ESRRG: variants seen among roughly 807,000 people sequenced by gnomAD.
The protein encoded by ESRRG is estrogen-related receptor gamma.
ESRRG carries 13 observed loss-of-function variants against 44.0 expected under a neutral mutation model. The observed-to-expected ratio is 0.30, with a 90% CI of 0.19 to 0.47. The LOEUF is 0.47. Ranked by LOEUF, ESRRG falls within the 20% of genes least tolerant of loss-of-function variation. The pLI, the probability that ESRRG is intolerant of heterozygous loss-of-function variation, is 1.00. For missense variants in ESRRG, 395 were observed against 580.6 expected (o/e 0.68, Z 3.29); for synonymous variants, 215 against 214.6 (o/e 1.00, Z -0.02).
intron 1 of ESRRG, among the ~76,000 whole-genome samples, chr1:216,990,244 C>T (rs1399974526): frequency 2.6e-5 from 4 of 151,992 alleles, no homozygotes; most frequent in African/African-American, 4.8e-5. Flanking sequence ...GTAACCCAAC[C>T]CTAAAAAATG....
At chr1:217,004,620 C>T (rs2077482796) in intron 1 of ESRRG, among the ~76,000 whole-genome samples, 1 of 152,158 alleles carries the variant, frequency 6.6e-6, no homozygotes. Flanking sequence ...CAGTACCCAA[C>T]CCAAGGTTCC....
At chr1:217,062,901 A>G (rs780744410) in intron 1 of ESRRG, among the ~76,000 whole-genome samples, 10 of 152,190 alleles carry the variant, frequency 6.6e-5, no homozygotes, top group African/African-American at 1.2e-4. Context: ...GGCTACAGAG[A>G]GCAGGAAGAA....
At chr1:216,881,636 CCAA>C (rs1273716044) in intron 2 of ESRRG, among the ~76,000 whole-genome samples, 1 of 151,892 alleles carries the variant, frequency 6.6e-6, no homozygotes, top group African/African-American at 2.4e-5. Context: ...CCCAGCTCCC[CCAA>C]CAACAACAAC....
intron 2 of ESRRG, among the ~76,000 whole-genome samples, chr1:216,776,672 A>G (rs1411379247): frequency 6.6e-6 from 1 of 152,184 alleles, no homozygotes; most frequent in Admixed American, 6.6e-5. Flanking sequence ...ATCTTCAAAT[A>G]CATTGGTAGT....
At position 216,991,624 on chromosome 1, in the gene ESRRG, G is replaced by C. The variant is rs1422003897; in HGVS notation, c.-105-51951C>G. Among the ~76,000 whole-genome samples the C allele has an allele frequency of 4.4e-3, 115 of 26,188 alleles. No individual in the cohort carries two copies. The South Asian group carries it at 0.05, about 11-fold the overall frequency. The allele number at this position is 26,188 out of a possible 152,430, so 17.2% of individuals were successfully genotyped here. ...CATGGGATGGGATGGGATAGGATGGGATGGGATGGGATGGGATGGGATGGG... is the reference window on the plus strand; with the variant it reads ...CATGGGATGGGATGGGATAGGATGGCATGGGATGGGATGGGATGGGATGGG... On this transcript the variant is annotated intron_variant, in intron 1 of 7. Coordinates refer to the ESRRG transcript ENST00000359162.
chr1:216,639,851 G>T (rs1297341402), intron 3 of ESRRG, among the ~76,000 whole-genome samples: 1 of 152,168 alleles, frequency 6.6e-6, no homozygotes, highest in African/African-American at 2.4e-5. Context: ...TTTCATCTCA[G>T]ATAGTCATCT....
chr1:216,682,355 C>A (rs2077170966), intron 1 of ESRRG, among the ~76,000 whole-genome samples: 1 of 152,164 alleles, frequency 6.6e-6, no homozygotes, highest in African/African-American at 2.4e-5. Flanking sequence ...AACACAATTT[C>A]TATTCTTCTT....
chr1:216,661,877 G>A (rs987495728), intron 2 of ESRRG, among the ~76,000 whole-genome samples: 10 of 152,190 alleles, frequency 6.6e-5, no homozygotes, highest in African/African-American at 9.6e-5. Flanking sequence ...TGTGTAAGCT[G>A]TAGGAGGCAG....
intron 6 of ESRRG, among the ~76,000 whole-genome samples, chr1:216,512,291 T>C (rs2042948819): frequency 6.6e-6 from 1 of 152,188 alleles, no homozygotes; most frequent in Non-Finnish European, 1.5e-5. Flanking sequence ...TTGCACAAAA[T>C]GCAAAGGGCA....
At chr1:216,932,740 T>G (rs1169375885) in intron 2 of ESRRG, among the ~76,000 whole-genome samples, 2 of 148,150 alleles carry the variant, frequency 1.3e-5, no homozygotes, top group African/African-American at 5.0e-5. Context: ...TTTTTTTTTT[T>G]TTTTTTGGTA....
At chr1:216,593,162 C>A (rs2057951255) in intron 3 of ESRRG, among the ~76,000 whole-genome samples, 1 of 152,182 alleles carries the variant, frequency 6.6e-6, no homozygotes, top group African/African-American at 2.4e-5. Context: ...GAATGAATAA[C>A]AGTCACTATG....
chr1:216,943,239 A>G (rs983277531), intron 1 of ESRRG, among the ~76,000 whole-genome samples: 1 of 152,194 alleles, frequency 6.6e-6, no homozygotes, highest in Non-Finnish European at 1.5e-5. Context: ...TATTTTTAAA[A>G]CAAATATAGA....
intron 1 of ESRRG, among the ~76,000 whole-genome samples, chr1:217,086,640 C>A (rs1056192460): frequency 3.3e-5 from 5 of 152,184 alleles, no homozygotes; most frequent in Non-Finnish European, 7.3e-5. Flanking sequence ...TTGTGGTTGA[C>A]CATTACATAA....
chr1:217,131,692 A>G (rs1237952628), intron 1 of ESRRG, among the ~76,000 whole-genome samples: 2 of 152,266 alleles, frequency 1.3e-5, no homozygotes, highest in Non-Finnish European at 2.9e-5. Flanking sequence ...ATGCTCAGCC[A>G]GAATACAGCC....
chr1:216,805,879 G>A (rs1209876678), intron 2 of ESRRG, among the ~76,000 whole-genome samples: 1 of 152,156 alleles, frequency 6.6e-6, no homozygotes, highest in Admixed American at 6.6e-5. Context: ...CCCTGCTAGG[G>A]ACATAAGAGT....
chr1:216,515,290 T>C (rs2043901101), intron 6 of ESRRG, among the ~76,000 whole-genome samples: 1 of 152,080 alleles, frequency 6.6e-6, no homozygotes, highest in Admixed American at 6.6e-5. Context: ...TGTATGTATG[T>C]ATGTGTATAT....
chr1:216,772,387 G>A (rs1005016752), intron 2 of ESRRG, among the ~76,000 whole-genome samples: 1 of 152,042 alleles, frequency 6.6e-6, no homozygotes, highest in African/African-American at 2.4e-5. Context: ...TCGGGTAGAA[G>A]CTGCACATGA....
chr1:216,588,147 G>C (rs1419904037), intron 3 of ESRRG, among the ~76,000 whole-genome samples: 1 of 152,148 alleles, frequency 6.6e-6, no homozygotes, highest in African/African-American at 2.4e-5. Flanking sequence ...ATAAATAAGT[G>C]AAGTATACCT....
At chr1:217,042,513 C>T (rs2084065289) in intron 1 of ESRRG, among the ~76,000 whole-genome samples, 1 of 140,942 alleles carries the variant, frequency 7.1e-6, no homozygotes, top group South Asian at 2.3e-4. Context: ...CACACACACA[C>T]ACTGCATGTG....
Sources: allele counts gnomAD v4.1 joint callset (sites outside exome capture counted in the v4.1 genomes callset), GRCh38; gene constraint gnomAD v4.1.1; transcripts MANE v1.5; gene names NCBI Gene and HGNC (gene_info 2026-07-23, HGNC 2026-07-21).